RNF6: variants seen among roughly 807,000 people sequenced by gnomAD.
RNF6 encodes E3 ubiquitin-protein ligase RNF6.
A neutral mutation model predicts 50.1 loss-of-function variants in RNF6; 21 were observed. The observed-to-expected ratio is 0.42, with a 90% CI of 0.30 to 0.60. RNF6 has a LOEUF of 0.60. RNF6 is among the 20% of genes least tolerant of loss of function. The probability of loss-of-function intolerance (pLI) is 0.20; values close to 1 mark genes in which losing one functional copy is unlikely to be tolerated. For missense variants in RNF6, 698 were observed against 838.2 expected, an observed-to-expected ratio of 0.83 and a Z score of 2.07; for synonymous variants, 255 against 291.8, an observed-to-expected ratio of 0.87 and a Z score of 1.29.
rs371674769 is a variant in RNF6 at position 26,142,082 on chromosome 13, A to G, written n.769-9631T>C. Reference sequence around the variant, plus strand: ...ACGTGGGCTAAGAACATGAACAGACACTTCTCAAAAGAAGACAAAGAAGCA... The same window carrying G: ...ACGTGGGCTAAGAACATGAACAGACGCTTCTCAAAAGAAGACAAAGAAGCA... On this transcript the variant is annotated intron_variant and non_coding_transcript_variant, in intron 5 of 5. Coordinates refer to the RNF6 transcript ENST00000468480. Among the ~76,000 whole-genome samples, 180 of 152,300 alleles carry G rather than the reference A, an allele frequency of 1.2e-3. 4 individuals are homozygous for G. In the South Asian group the frequency reaches 0.034, roughly 29 times the overall value.
downstream of RNF6, among the ~76,000 whole-genome samples, chr13:26,209,370 A>G (rs1385078412): frequency 6.6e-6 from 1 of 152,264 alleles, no homozygotes; most frequent in Non-Finnish European, 1.5e-5. Flanking sequence ...TGTTTCTATC[A>G]TTCATCCTGC....
chr13:26,138,728 T>C (rs1345418643), intron 5 of RNF6, among the ~76,000 whole-genome samples: 1 of 152,108 alleles, frequency 6.6e-6, no homozygotes, highest in Non-Finnish European at 1.5e-5. Context: ...AGCCAACCAC[T>C]AAGAAAATAA....
intron 5 of RNF6, among the ~76,000 whole-genome samples, chr13:26,184,089 C>T (rs1873397297): frequency 7.2e-6 from 1 of 139,344 alleles, no homozygotes; most frequent in South Asian, 2.3e-4. Context: ...TGCAGTGACA[C>T]GATCTCGGCT....
At chr13:26,218,014 A>G (rs185275312) in intron 4 of RNF6, among the ~76,000 whole-genome samples, 47 of 152,368 alleles carry the variant, frequency 3.1e-4, no homozygotes, top group Non-Finnish European at 4.4e-5. Context: ...GAACTGGTTA[A>G]GAGGAACACA....
chr13:26,142,130 C>T (rs1289738012), intron 5 of RNF6, among the ~76,000 whole-genome samples: 7 of 152,082 alleles, frequency 4.6e-5, no homozygotes, highest in Admixed American at 3.9e-4. Flanking sequence ...ATAAAAAATA[C>T]TCAACATCAC....
rs115316014 is a variant in RNF6, at chr13:26,172,350, A to G, written n.769-39899T>C. 3.6e-3 allele frequency among the ~76,000 whole-genome samples: 550 copies of G among 152,308 alleles called. 5 individuals carry two copies. The highest frequency in any genetic ancestry group is 0.013 in the African/African-American group (530 of 41,554). The stretch of plus-strand genomic sequence containing the variant: ...AGATACGCTAAAGGTCTAAATAGGA[A>G]AAGCAAAACTTTAAAAATTCAAAAG... On this transcript the variant is annotated intron_variant and non_coding_transcript_variant, in intron 5 of 5. Coordinates refer to the RNF6 transcript ENST00000468480.
intron 5 of RNF6, among the ~76,000 whole-genome samples, chr13:26,184,028 T>A (rs1200585308): frequency 0.031 from 1,426 of 46,278 alleles, 4 homozygotes; most frequent in African/African-American, 0.04. Context: ...ATTTTTTTTT[T>A]TTTTTTTTTT....
At chr13:26,172,956 C>T (rs1249215271) in intron 5 of RNF6, among the ~76,000 whole-genome samples, 1 of 151,870 alleles carries the variant, frequency 6.6e-6, no homozygotes, top group East Asian at 1.9e-4. Context: ...GAAACATGAG[C>T]AAAATATATC....
Position 26,215,343 on chromosome 13 carries a change from T to C in RNF6, c.539A>G (p.Asp180Gly). Reference sequence around the variant, plus strand: ...CCTTTGTTGCCTATTTGCAGTATGATCTCTGTTACTATCTGAAAGTGGAAT... The same window carrying C: ...CCTTTGTTGCCTATTTGCAGTATGACCTCTGTTACTATCTGAAAGTGGAAT... Reference protein sequence around the residue: ...TDIPLSDSNRDHTANRQQRST... With the variant: ...TDIPLSDSNRGHTANRQQRST... Residue 180 changes from aspartate (D) to glycine (G), a missense_variant, in exon 5 of 5, where the codon GAT becomes GGT. Physicochemically the swap from Asp to Gly is moderately conservative, Grantham distance 94 (BLOSUM62 -1). Coordinates refer to ENST00000381588, the MANE Select transcript of RNF6 (RefSeq NM_005977.4). 6.2e-7 allele frequency: 1 copy of C among 1,614,204 alleles called. No homozygotes were observed.
rs1380597181 is a variant in RNF6, at chr13:26,174,443, G to A, written n.768+41031C>T. Among the ~76,000 whole-genome samples the A allele has an allele frequency of 2.6e-5, 4 of 151,726 alleles. No homozygotes were observed. In the East Asian group the frequency reaches 7.8e-4, roughly 29 times the overall value. ...AAGCAGGTGGATCACTTGAGGTCAG[G>A]AGTTCGAGACCAGCCTGGCCAACAT... On this transcript the variant is annotated intron_variant and non_coding_transcript_variant, in intron 5 of 5. Coordinates refer to the RNF6 transcript ENST00000468480.
intron 5 of RNF6, among the ~76,000 whole-genome samples, chr13:26,149,618 G>A (rs1017519264): frequency 4.0e-5 from 6 of 151,338 alleles, no homozygotes. Context: ...AAGAATAGAG[G>A]CAGCCAACTT....
intron 5 of RNF6, among the ~76,000 whole-genome samples, chr13:26,186,429 CGCCGGGGG>C (rs1375462386): frequency 1.3e-5 from 2 of 152,236 alleles, no homozygotes; most frequent in Admixed American, 1.3e-4. Flanking sequence ...GAGCGGGACG[CGCCGGGGG>C]GCGTCTGCGT....
At chr13:26,133,697 T>C (rs1458224677) in intron 5 of RNF6, among the ~76,000 whole-genome samples, 1 of 152,224 alleles carries the variant, frequency 6.6e-6, no homozygotes, top group African/African-American at 2.4e-5. Flanking sequence ...TCTATTTCTT[T>C]GCTGGGATTT....
chr13:26,132,556 A>C (rs546946554), intron 5 of RNF6: 5 of 394,106 alleles, frequency 1.3e-5, no homozygotes, highest in Non-Finnish European at 2.5e-5. Context: ...ATAGTATCTA[A>C]AAATGTATTG....
At chr13:26,170,292 A>T (rs1307586779) in intron 5 of RNF6, among the ~76,000 whole-genome samples, 11 of 151,988 alleles carry the variant, frequency 7.2e-5, no homozygotes, top group Admixed American at 7.2e-4. Context: ...TCAAGCCAAA[A>T]TTTAATCAAA....
chr13:26,132,532 A>G (rs780057142), intron 5 of RNF6: 6 of 430,100 alleles, frequency 1.4e-5, no homozygotes, highest in Admixed American at 2.7e-5. Flanking sequence ...TTTAGTAATT[A>G]ATAAAAGATT....
chr13:26,164,403 C>A (rs925125874), intron 5 of RNF6, among the ~76,000 whole-genome samples: 9 of 152,068 alleles, frequency 5.9e-5, no homozygotes, highest in African/African-American at 1.9e-4. Context: ...CTCATATCTA[C>A]TTTATAGTAT....
intron 5 of RNF6, among the ~76,000 whole-genome samples, chr13:26,194,162 G>A (rs928164209): frequency 1.3e-5 from 2 of 152,098 alleles, no homozygotes; most frequent in African/African-American, 4.8e-5. Flanking sequence ...TACACAGATG[G>A]GTATTTTTCT....
chr13:26,142,128 T>C (rs1206991689), intron 5 of RNF6, among the ~76,000 whole-genome samples: 1 of 152,048 alleles, frequency 6.6e-6, no homozygotes, highest in Non-Finnish European at 1.5e-5. Flanking sequence ...ATATAAAAAA[T>C]ACTCAACATC....
Sources: gnomAD v4.1 joint callset for allele counts (sites outside exome capture counted in the v4.1 genomes callset) on GRCh38, gnomAD v4.1.1 for gene constraint, MANE v1.5 for transcripts, NCBI Gene and HGNC (gene_info 2026-07-23, HGNC 2026-07-21) for gene names.